The following NPSR1 variants were observed in gnomAD, a reference collection of about 807,000 sequenced individuals.
NPSR1 encodes neuropeptide S receptor 1.
NPSR1 carries 48 observed loss-of-function variants against 46.9 expected under a neutral mutation model. The observed-to-expected ratio is 1.02, with a 90% CI of 0.81 to 1.30. NPSR1 has a LOEUF of 1.30. Among genes scored for constraint, NPSR1 ranks in the 50% most tolerant of loss-of-function variants. The pLI, the probability that NPSR1 is intolerant of heterozygous loss-of-function variation, is 0.00. For missense variants in NPSR1, 450 were observed against 449.5 expected (o/e 1.00, Z -0.01); for synonymous variants, 176 against 168.1 (o/e 1.05, Z -0.36).
At chr7:34,860,416 A>G (rs181808435) in intron 8 of NPSR1, among the ~76,000 whole-genome samples, 1 of 151,976 alleles carries the variant, frequency 6.6e-6, no homozygotes, top group East Asian at 1.9e-4. Flanking sequence ...TTTGTTTATA[A>G]ATCATTTACA....
intron 4 of NPSR1, among the ~76,000 whole-genome samples, chr7:34,816,143 C>A (rs1789241947): frequency 6.7e-6 from 1 of 149,218 alleles, no homozygotes; most frequent in African/African-American, 2.5e-5. Flanking sequence ...AGAGTCAGGA[C>A]CCATCAGTGT....
chr7:34,876,456 AT>A (rs1461430359), intron 8 of NPSR1, among the ~76,000 whole-genome samples: 1 of 152,228 alleles, frequency 6.6e-6, no homozygotes, highest in African/African-American at 2.4e-5. Flanking sequence ...GTGAATTCTA[AT>A]TCAGAAAGAA....
intron 2 of NPSR1, chr7:34,750,738 G>T: frequency 1.4e-6 from 1 of 694,318 alleles, no homozygotes; most frequent in Non-Finnish European, 2.7e-6. Context: ...ATCTTGCAAG[G>T]GCCTTGCTCT....
intron 4 of NPSR1, among the ~76,000 whole-genome samples, chr7:34,815,470 C>A (rs190617402): frequency 3.3e-5 from 5 of 152,092 alleles, no homozygotes; most frequent in African/African-American, 9.7e-5. Flanking sequence ...ACTGATGGGG[C>A]GAACAGAACC....
At chr7:34,836,504 A>G (rs1445172424) in intron 6 of NPSR1, among the ~76,000 whole-genome samples, 1 of 152,192 alleles carries the variant, frequency 6.6e-6, no homozygotes, top group Non-Finnish European at 1.5e-5. Context: ...CCATATGGAA[A>G]CAATCATATA....
At chr7:34,725,504 G>C (rs1487004175) in intron 2 of NPSR1, among the ~76,000 whole-genome samples, 1 of 152,162 alleles carries the variant, frequency 6.6e-6, no homozygotes, top group Non-Finnish European at 1.5e-5. Flanking sequence ...ATAGACAGTT[G>C]AGGCAAGACT....
intron 8 of NPSR1, among the ~76,000 whole-genome samples, chr7:34,866,907 G>A (rs1480981784): frequency 6.6e-6 from 1 of 151,656 alleles, no homozygotes; most frequent in African/African-American, 2.4e-5. Flanking sequence ...TCATGGTGCT[G>A]GTTAAAAATA....
intron 3 of NPSR1, among the ~76,000 whole-genome samples, chr7:34,788,242 A>G (rs558434287): frequency 6.6e-6 from 1 of 152,060 alleles, no homozygotes; most frequent in Non-Finnish European, 1.5e-5. Flanking sequence ...CAAGGTAACC[A>G]CAAAGCAAAA....
rs1337615960 is a variant in NPSR1, at chr7:34,827,387, T to C, written c.479-14T>C. 6.2e-7 allele frequency: 1 copy of C among 1,613,604 alleles called. No homozygotes were observed. The highest frequency in any genetic ancestry group is 8.5e-7 in the Non-Finnish European group (1 of 1,179,574). On this transcript the variant is annotated splice_polypyrimidine_tract_variant and intron_variant, in intron 4 of 8. Transcript: ENST00000360581. ...TGCCACATACCCAGACATTCCTCTC[T>C]TTTCTTTGGGCAGAAAAGCAAGCCA...
chr7:34,779,628 A>G (rs553791700), intron 3 of NPSR1: 21 of 1,209,730 alleles, frequency 1.7e-5, no homozygotes, highest in Non-Finnish European at 1.7e-5. Flanking sequence ...TAACCTTGAA[A>G]GTTTGGTATG....
intron 2 of NPSR1, among the ~76,000 whole-genome samples, chr7:34,755,755 A>C (rs1785801124): frequency 6.6e-6 from 1 of 152,074 alleles, no homozygotes; most frequent in Non-Finnish European, 1.5e-5. Flanking sequence ...AGGATCAGAA[A>C]CTTAGCTCCT....
At position 34,797,621 on chromosome 7, in the gene NPSR1, A is replaced by G. The variant is rs2609252; in HGVS notation, c.385-14149A>G. Among the ~76,000 whole-genome samples the G allele has an allele frequency of 6.2e-3, 948 of 152,346 alleles. 5 individuals are homozygous for G. The highest frequency in any genetic ancestry group is 0.022 in the African/African-American group (909 of 41,574). On this transcript the variant is annotated intron_variant, in intron 3 of 8. Coordinates refer to ENST00000360581, the MANE Select transcript of NPSR1 (RefSeq NM_207172.2). ...AGCAGAAGAAGTATTTGAAGAAATA[A>G]AAGATGAAAAATTTTCTAAATTAAT...
chr7:34,739,450 T>C (rs1583915229), intron 2 of NPSR1, among the ~76,000 whole-genome samples: 1 of 152,220 alleles, frequency 6.6e-6, no homozygotes, highest in Admixed American at 6.5e-5. Flanking sequence ...TGTGAAATGG[T>C]ATCTCTGTGG....
intron 2 of NPSR1, among the ~76,000 whole-genome samples, chr7:34,749,443 A>T (rs761407339): frequency 1.3e-5 from 2 of 152,236 alleles, no homozygotes; most frequent in Non-Finnish European, 2.9e-5. Context: ...CACGTGGGAC[A>T]TTTAATCTTC....
rs140144961 is a variant in NPSR1 at position 34,763,590 on chromosome 7, A to G, written c.281-14872A>G. Among the ~76,000 whole-genome samples the G allele has an allele frequency of 4.5e-3, 692 of 152,296 alleles. 4 individuals carry two copies. Among genetic ancestry groups the G allele is most frequent in the African/African-American group, 0.014 (574 of 41,566 alleles). The stretch of plus-strand genomic sequence containing the variant: ...AGGAAGATACACAGAAGTGGGAATA[A>G]CCAAGCCAATCTCAGTACTCAGAAA... On this transcript the variant is annotated intron_variant, in intron 2 of 8. Transcript: ENST00000360581.
chr7:34,770,970 A>C (rs1273299805), intron 2 of NPSR1, among the ~76,000 whole-genome samples: 1 of 152,190 alleles, frequency 6.6e-6, no homozygotes, highest in Admixed American at 6.5e-5. Context: ...TAATCTATTC[A>C]TGAGGGCTCA....
chr7:34,791,135 T>C (rs1787828516), intron 3 of NPSR1, among the ~76,000 whole-genome samples: 1 of 129,752 alleles, frequency 7.7e-6, no homozygotes, highest in Admixed American at 8.7e-5. Flanking sequence ...ATATGTTATA[T>C]ATTATATATA....
At chr7:34,784,353 A>G (rs324990) in intron 3 of NPSR1, among the ~76,000 whole-genome samples, 42,047 of 151,304 alleles carry the variant, frequency 0.28, 5,873 homozygotes, top group African/African-American at 0.33. Flanking sequence ...TTTGAGATAC[A>G]TCCCATCAAT....
intron 1 of NPSR1, among the ~76,000 whole-genome samples, chr7:34,678,046 T>G (rs1289319507): frequency 1.3e-5 from 2 of 152,188 alleles, no homozygotes; most frequent in Non-Finnish European, 2.9e-5. Context: ...CGTGGATTTC[T>G]GATCTGGCAA....
Sources: allele counts gnomAD v4.1 joint callset (sites outside exome capture counted in the v4.1 genomes callset), GRCh38; gene constraint gnomAD v4.1.1; transcripts MANE v1.5; gene names NCBI Gene and HGNC (gene_info 2026-07-23, HGNC 2026-07-21).